SHROOM2: variants seen among roughly 807,000 people sequenced by gnomAD.
SHROOM2 encodes protein Shroom2.
A neutral mutation model predicts 75.9 loss-of-function variants in SHROOM2; 33 were observed. That is an observed-to-expected ratio of 0.43 (90% CI 0.33 to 0.58). The LOEUF is 0.58. Ranked by LOEUF, SHROOM2 falls within the 20% of genes least tolerant of loss-of-function variation. SHROOM2 has a pLI of 0.04. For missense variants in SHROOM2, 1,434 were observed against 1,461.2 expected (o/e 0.98, Z 0.30); for synonymous variants, 655 against 663.6 (o/e 0.99, Z 0.20).
chrX:9,819,369 A>T (rs5979184), intron 1 of SHROOM2: 9,247 of 472,068 alleles, frequency 0.02, 566 homozygotes, highest in African/African-American at 0.19. Flanking sequence ...GTTGACTATA[A>T]CTGTCTTGAT....
At chrX:9,845,616 G>T (rs756250410) in intron 1 of SHROOM2, among the ~76,000 whole-genome samples, 1 of 107,401 alleles carries the variant, frequency 9.3e-6, no homozygotes, top group South Asian at 4.2e-4. Flanking sequence ...CAGAGACAAA[G>T]GACTCAGAGC....
intron 1 of SHROOM2, among the ~76,000 whole-genome samples, chrX:9,807,740 C>T (rs1363776442): frequency 8.9e-6 from 1 of 112,289 alleles, no homozygotes; most frequent in African/African-American, 3.2e-5. Flanking sequence ...TGATGCTTTT[C>T]TGTGAAAAGG....
At chrX:9,929,983 C>T (rs1470393439) in intron 5 of SHROOM2, among the ~76,000 whole-genome samples, 1 of 111,552 alleles carries the variant, frequency 9.0e-6, no homozygotes, top group African/African-American at 3.3e-5. Flanking sequence ...TCACCTCCCG[C>T]CATGATTCTG....
At chrX:9,860,667 G>A (rs112810716) in intron 1 of SHROOM2, among the ~76,000 whole-genome samples, 1,162 of 111,600 alleles carry the variant, frequency 0.01, 20 homozygotes, top group African/African-American at 0.036. Flanking sequence ...CAAGTGATCC[G>A]CCCACCTTGG....
intron 1 of SHROOM2, among the ~76,000 whole-genome samples, chrX:9,832,087 A>G (rs2083919617): frequency 8.9e-6 from 1 of 112,089 alleles, no homozygotes; most frequent in Admixed American, 9.4e-5. Context: ...ACCTTAGTTA[A>G]GGTCTTCGCA....
intron 1 of SHROOM2, among the ~76,000 whole-genome samples, chrX:9,824,672 G>A (rs2083878970): frequency 9.0e-6 from 1 of 111,710 alleles, no homozygotes; most frequent in African/African-American, 3.3e-5. Flanking sequence ...TGGAAAGCTG[G>A]AGGGGCGTTC....
intron 1 of SHROOM2, among the ~76,000 whole-genome samples, chrX:9,855,790 G>A (rs1402694180): frequency 9.0e-6 from 1 of 111,358 alleles, no homozygotes; most frequent in Admixed American, 9.7e-5. Context: ...TGCCCACCAC[G>A]AACTAGGCAC....
intron 1 of SHROOM2, among the ~76,000 whole-genome samples, chrX:9,809,044 T>C (rs1179179753): frequency 1.9e-5 from 2 of 107,524 alleles, no homozygotes; most frequent in African/African-American, 6.8e-5. Flanking sequence ...CTCCCTCCCC[T>C]TTCCCTCCCT....
chrX:9,804,001 A>T (rs2083738202), intron 1 of SHROOM2, among the ~76,000 whole-genome samples: 1 of 111,425 alleles, frequency 9.0e-6, no homozygotes, highest in Non-Finnish European at 1.9e-5. Flanking sequence ...GTGGTCACTC[A>T]CAGTGTCTGG....
At chrX:9,837,257 G>C (rs987128406) in intron 1 of SHROOM2, among the ~76,000 whole-genome samples, 2 of 112,649 alleles carry the variant, frequency 1.8e-5, no homozygotes, top group Non-Finnish European at 3.8e-5. Flanking sequence ...TAAGTCCTTA[G>C]AACATCAACT....
chrX:9,876,552 C>CA (rs1416718187), intron 2 of SHROOM2, among the ~76,000 whole-genome samples: 1 of 112,242 alleles, frequency 8.9e-6, no homozygotes, highest in African/African-American at 3.2e-5. Context: ...CATTTTCTGG[C>CA]ATTTTATGTA....
chrX:9,925,323 G>A (rs1054219946), intron 5 of SHROOM2, among the ~76,000 whole-genome samples: 3 of 112,455 alleles, frequency 2.7e-5, no homozygotes, highest in Non-Finnish European at 3.8e-5. Context: ...TGGTGGCGCC[G>A]TGCTTCTTCA....
At chrX:9,849,694 C>G (rs2084028029) in intron 1 of SHROOM2, among the ~76,000 whole-genome samples, 1 of 111,595 alleles carries the variant, frequency 9.0e-6, no homozygotes, top group Non-Finnish European at 1.9e-5. Flanking sequence ...ATATCTCGCT[C>G]TGGGGTAGAA....
chrX:9,796,120 C>G (rs2083693851), intron 1 of SHROOM2, among the ~76,000 whole-genome samples: 2 of 111,617 alleles, frequency 1.8e-5, no homozygotes, highest in Admixed American at 9.5e-5. Context: ...TTCAAATTCC[C>G]CCTCACTTCT....
At chrX:9,830,169 C>T (rs912677567) in intron 1 of SHROOM2, among the ~76,000 whole-genome samples, 3 of 111,256 alleles carry the variant, frequency 2.7e-5, no homozygotes, top group Non-Finnish European at 5.6e-5. Flanking sequence ...GTGAGAAATA[C>T]GTTTCTTTCT....
At chrX:9,912,974 G>T (rs901985542) in intron 5 of SHROOM2, 3 of 112,227 alleles carry the variant, frequency 2.7e-5, no homozygotes, top group African/African-American at 9.7e-5. Context: ...GGAACTGGAA[G>T]GCGGTGCTCT....
intron 1 of SHROOM2, among the ~76,000 whole-genome samples, chrX:9,799,780 G>A (rs1464937212): frequency 9.1e-6 from 1 of 110,021 alleles, no homozygotes; most frequent in East Asian, 2.9e-4. Flanking sequence ...GATATATGGT[G>A]CCTATAGACA....
chrX:9,933,526 G>A (rs996719263), intron 6 of SHROOM2, among the ~76,000 whole-genome samples: 6 of 111,856 alleles, frequency 5.4e-5, no homozygotes, highest in African/African-American at 1.6e-4. Context: ...ATCCCAGCAC[G>A]TCGAGAGTTC....
At position 9,795,024 on chromosome X, in the gene SHROOM2, T is replaced by A. The variant is rs1247652287; in HGVS notation, c.165+8314T>A. 4.4e-5 allele frequency among the ~76,000 whole-genome samples: 5 copies of A among 112,533 alleles called. No individual in the cohort carries two copies. In the Admixed American group the frequency reaches 4.7e-4, roughly 11 times the overall value. ...TGTCCACTCTGCTGTTGTGCAGTAT[T>A]GCTGGAGGGAGATCAGACGTTTTTG... On this transcript the variant is annotated intron_variant, in intron 1 of 9. Transcript: ENST00000380913.
Sources: allele counts gnomAD v4.1 joint callset (sites outside exome capture counted in the v4.1 genomes callset), GRCh38; gene constraint gnomAD v4.1.1; transcripts MANE v1.5; gene names NCBI Gene and HGNC (gene_info 2026-07-23, HGNC 2026-07-21).